The following PBX3 variants were observed in gnomAD, a reference collection of about 807,000 sequenced individuals.
PBX3 encodes the protein PBX homeobox 3, also known as pre-B-cell leukemia transcription factor 3.
A neutral mutation model predicts 48.5 loss-of-function variants in PBX3; 14 were observed. That is an observed-to-expected ratio of 0.29 (90% CI 0.19 to 0.45). The LOEUF (loss-of-function observed/expected upper bound fraction) is 0.45, where lower values mean the gene tolerates loss of function less well. PBX3 is among the 20% of genes least tolerant of loss of function. The pLI is 1.00. For synonymous variants in PBX3, 210 were observed against 200.3 expected, an observed-to-expected ratio of 1.05 and a Z score of -0.41; for missense variants, 386 against 546.7, an observed-to-expected ratio of 0.71 and a Z score of 2.93.
At chr9:125,776,222 G>A (rs12237076) in intron 2 of PBX3, among the ~76,000 whole-genome samples, 3,060 of 152,230 alleles carry the variant, frequency 0.02, 172 homozygotes, top group East Asian at 0.17. Flanking sequence ...ATTGTTACCT[G>A]TGGGTTTTCC....
intron 2 of PBX3, among the ~76,000 whole-genome samples, chr9:125,790,550 G>C (rs1212550681): frequency 6.6e-6 from 1 of 150,940 alleles, no homozygotes; most frequent in Non-Finnish European, 1.5e-5. Flanking sequence ...CACCGTGCCT[G>C]GCCAACTATT....
intron 2 of PBX3, among the ~76,000 whole-genome samples, chr9:125,779,918 G>T (rs1227855302): frequency 1.6e-5 from 2 of 124,582 alleles, no homozygotes; most frequent in African/African-American, 6.2e-5. Context: ...CCCGGACGGG[G>T]CGTCTGGCCG....
At chr9:125,752,600 C>T (rs1306356507) in intron 2 of PBX3, among the ~76,000 whole-genome samples, 3 of 152,042 alleles carry the variant, frequency 2.0e-5, no homozygotes, top group Non-Finnish European at 4.4e-5. Flanking sequence ...AATTGTGAAC[C>T]CACAGGTTTA....
intron 2 of PBX3, among the ~76,000 whole-genome samples, chr9:125,903,418 C>T (rs1156302766): frequency 6.6e-6 from 1 of 151,734 alleles, no homozygotes; most frequent in Admixed American, 6.6e-5. Flanking sequence ...ATTTGTTGTC[C>T]TTTTCATCAG....
At chr9:125,839,500 A>G (rs1435998724) in intron 2 of PBX3, among the ~76,000 whole-genome samples, 2 of 152,206 alleles carry the variant, frequency 1.3e-5, no homozygotes, top group African/African-American at 2.4e-5. Context: ...AATATTTCCA[A>G]TCTTTGTAAG....
intron 2 of PBX3, among the ~76,000 whole-genome samples, chr9:125,785,140 G>T (rs1371934125): frequency 6.6e-6 from 1 of 152,194 alleles, no homozygotes; most frequent in African/African-American, 2.4e-5. Context: ...TCTGAATTAG[G>T]TGAAACAGAC....
intron 2 of PBX3, among the ~76,000 whole-genome samples, chr9:125,869,849 C>A (rs756748971): frequency 6.6e-6 from 1 of 152,006 alleles, no homozygotes; most frequent in Admixed American, 6.6e-5. Flanking sequence ...TGAGTATTGA[C>A]CATGTAAAAA....
intron 2 of PBX3, among the ~76,000 whole-genome samples, chr9:125,900,125 C>T (rs748380109): frequency 3.3e-5 from 5 of 151,264 alleles, no homozygotes; most frequent in Admixed American, 6.6e-5. Context: ...AATAGTGACC[C>T]GACATGATTT....
At chr9:125,931,984 C>T (rs1841727536) in intron 4 of PBX3, among the ~76,000 whole-genome samples, 1 of 152,158 alleles carries the variant, frequency 6.6e-6, no homozygotes, top group African/African-American at 2.4e-5. Context: ...TGAACATTTT[C>T]AGTGTTCTTA....
intron 5 of PBX3, among the ~76,000 whole-genome samples, chr9:125,948,238 C>T (rs1280331813): frequency 7.7e-6 from 1 of 129,876 alleles, no homozygotes; most frequent in Non-Finnish European, 1.7e-5. Flanking sequence ...AATTAGCAGA[C>T]TTGACCTAAT....
At chr9:125,872,584 C>T (rs1840151017) in intron 2 of PBX3, among the ~76,000 whole-genome samples, 1 of 151,898 alleles carries the variant, frequency 6.6e-6, no homozygotes, top group Non-Finnish European at 1.5e-5. Context: ...CATAGCGAGA[C>T]CCCCATCTCA....
chr9:125,923,272 A>G (rs1194523907), intron 3 of PBX3, among the ~76,000 whole-genome samples: 1 of 152,224 alleles, frequency 6.6e-6, no homozygotes, highest in African/African-American at 2.4e-5. Context: ...TAAGACAGCT[A>G]ATATCTCAGG....
intron 6 of PBX3, 27 bp downstream of exon 6, chr9:125,960,876 C>T: frequency 6.2e-7 from 1 of 1,605,768 alleles, no homozygotes; most frequent in Non-Finnish European, 8.5e-7. Context: ...CGCTCCCCAA[C>T]TGGCCCAGGC....
At chr9:125,882,359 C>CA (rs5900675) in intron 2 of PBX3, among the ~76,000 whole-genome samples, 34,712 of 152,126 alleles carry the variant, frequency 0.23, 4,442 homozygotes, top group East Asian at 0.42. Flanking sequence ...ACTTGTGTCT[C>CA]AAATGAAGAG....
Position 125,781,585 on chromosome 9 carries a change from GC to G in PBX3, c.274+32963del, listed in dbSNP as rs1220208277. On this transcript the variant is annotated intron_variant, in intron 2 of 8. Transcript: ENST00000373489. ...AGAGGCGAGAGGGGAGAGGGGAGAG[GC>G]GAGAGGCGAGAGGGAGAGGCAGAGG... Among the ~76,000 whole-genome samples, 1,748 of 147,730 alleles carry G rather than the reference GC, an allele frequency of 0.012. 75 individuals carry two copies. In the East Asian group the frequency reaches 0.12, roughly 10 times the overall value.
intron 5 of PBX3, among the ~76,000 whole-genome samples, chr9:125,955,192 C>T (rs948689794): frequency 2.0e-5 from 3 of 152,178 alleles, no homozygotes; most frequent in African/African-American, 7.2e-5. Context: ...GGCTCCGTTT[C>T]AGCTCTGTCC....
chr9:125,787,703 A>G (rs2132053510), intron 2 of PBX3, among the ~76,000 whole-genome samples: 1 of 152,304 alleles, frequency 6.6e-6, no homozygotes, highest in African/African-American at 2.4e-5. Context: ...TGGCTGATAG[A>G]TGAGAAAATG....
At chr9:125,786,655 C>T (rs1837464392) in intron 2 of PBX3, among the ~76,000 whole-genome samples, 1 of 151,664 alleles carries the variant, frequency 6.6e-6, no homozygotes, top group African/African-American at 2.4e-5. Flanking sequence ...ATAGAGTTGG[C>T]TTTCAGTAGA....
At chr9:125,822,731 T>A (rs1479208693) in intron 2 of PBX3, among the ~76,000 whole-genome samples, 1 of 152,160 alleles carries the variant, frequency 6.6e-6, no homozygotes, top group African/African-American at 2.4e-5. Flanking sequence ...CATAATCCAA[T>A]CAAAGCATAT....
Sources: gnomAD v4.1 joint callset for allele counts (sites outside exome capture counted in the v4.1 genomes callset) on GRCh38, gnomAD v4.1.1 for gene constraint, MANE v1.5 for transcripts, NCBI Gene and HGNC (gene_info 2026-07-23, HGNC 2026-07-21) for gene names.